PRKG1: variants seen among roughly 807,000 people sequenced by gnomAD.
The protein encoded by PRKG1 is cGMP-dependent protein kinase 1.
Under a neutral mutation model 88.1 loss-of-function variants are expected in PRKG1, and 35 were observed. The observed-to-expected ratio is 0.40, with a 90% CI of 0.30 to 0.53. PRKG1 has a LOEUF of 0.53. Ranked by LOEUF, PRKG1 falls within the 20% of genes least tolerant of loss-of-function variation. PRKG1 has a pLI of 0.59. For synonymous variants in PRKG1, 303 were observed against 292.5 expected (o/e 1.04, Z -0.37); for missense variants, 540 against 839.8 (o/e 0.64, Z 4.41).
chr10:52,166,447 T>TG, intron 9 of PRKG1, among the ~76,000 whole-genome samples: 1 of 145,246 alleles, frequency 6.9e-6, no homozygotes, highest in African/African-American at 2.5e-5. Context: ...TTTTTTTTTT[T>TG]TTTTGAGACG....
chr10:52,192,726 T>C (rs1382485887), intron 9 of PRKG1, among the ~76,000 whole-genome samples: 2 of 152,062 alleles, frequency 1.3e-5, no homozygotes, highest in Admixed American at 6.5e-5. Context: ...TTCTAAGATA[T>C]TAAGTATTTA....
intron 3 of PRKG1, among the ~76,000 whole-genome samples, chr10:51,672,156 G>T (rs1840599205): frequency 2.0e-5 from 3 of 151,862 alleles, no homozygotes; most frequent in African/African-American, 7.3e-5. Flanking sequence ...CAATTTAGAA[G>T]CTCTTAGCCT....
chr10:52,172,692 A>G (rs1415670574), intron 9 of PRKG1, among the ~76,000 whole-genome samples: 6 of 152,236 alleles, frequency 3.9e-5, no homozygotes, highest in Non-Finnish European at 5.9e-5. Context: ...AGCATGCAGC[A>G]TAATTCTAAA....
chr10:52,219,870 C>T (rs538727798), intron 9 of PRKG1, among the ~76,000 whole-genome samples: 71 of 152,114 alleles, frequency 4.7e-4, no homozygotes, highest in Non-Finnish European at 7.8e-4. Context: ...AAAAAATAAA[C>T]ATACATTTCT....
intron 7 of PRKG1, among the ~76,000 whole-genome samples, chr10:52,125,182 C>T (rs1847904220): frequency 6.6e-6 from 1 of 152,052 alleles, no homozygotes; most frequent in Non-Finnish European, 1.5e-5. Context: ...ATATAATTGG[C>T]AGCACAGTAG....
At chr10:51,608,391 G>C (rs899623122) in intron 3 of PRKG1, among the ~76,000 whole-genome samples, 1 of 152,104 alleles carries the variant, frequency 6.6e-6, no homozygotes. Context: ...ATTGTTCAAA[G>C]AGTGCAATTT....
intron 3 of PRKG1, among the ~76,000 whole-genome samples, chr10:51,650,154 G>A (rs1840004975): frequency 6.6e-6 from 1 of 152,076 alleles, no homozygotes; most frequent in Non-Finnish European, 1.5e-5. Flanking sequence ...CATAGCCCTG[G>A]TATTCACGAG....
At chr10:52,003,857 T>C (rs913467532) in intron 5 of PRKG1, among the ~76,000 whole-genome samples, 6 of 152,200 alleles carry the variant, frequency 3.9e-5, no homozygotes, top group African/African-American at 1.4e-4. Context: ...AGCTTAGTGC[T>C]CATGAGTAGG....
intron 7 of PRKG1, among the ~76,000 whole-genome samples, chr10:52,064,494 G>C (rs903156834): frequency 6.6e-6 from 1 of 152,208 alleles, no homozygotes; most frequent in Non-Finnish European, 1.5e-5. Flanking sequence ...CAGGGATCTT[G>C]TCAGCTCCTA....
chr10:51,232,650 A>G (rs1838875665), intron 2 of PRKG1, among the ~76,000 whole-genome samples: 1 of 152,162 alleles, frequency 6.6e-6, no homozygotes, highest in African/African-American at 2.4e-5. Context: ...CCTCAGTGCA[A>G]TGGAAAAAAA....
chr10:51,422,566 C>T (rs1349769588), intron 2 of PRKG1, among the ~76,000 whole-genome samples: 2 of 152,156 alleles, frequency 1.3e-5, no homozygotes, highest in African/African-American at 4.8e-5. Flanking sequence ...CATACTTTGT[C>T]AGCTCCAACT....
intron 5 of PRKG1, among the ~76,000 whole-genome samples, chr10:51,958,288 G>A (rs1843360701): frequency 6.6e-6 from 1 of 151,898 alleles, no homozygotes; most frequent in Non-Finnish European, 1.5e-5. Flanking sequence ...AACAAGTCAA[G>A]AAAAAAGACC....
chr10:51,511,223 G>A (rs936787335), intron 3 of PRKG1, among the ~76,000 whole-genome samples: 27 of 151,972 alleles, frequency 1.8e-4, no homozygotes, highest in Non-Finnish European at 2.5e-4. Context: ...GGCTTGTTGC[G>A]GGGGATCAGG....
chr10:52,056,824 A>G (rs189710001), intron 6 of PRKG1, among the ~76,000 whole-genome samples: 7 of 152,184 alleles, frequency 4.6e-5, no homozygotes, highest in Admixed American at 3.3e-4. Context: ...TAACATATTA[A>G]AATCATTAAG....
chr10:52,201,217 A>G (rs1480218488), intron 9 of PRKG1, among the ~76,000 whole-genome samples: 1 of 152,076 alleles, frequency 6.6e-6, no homozygotes, highest in Admixed American at 6.6e-5. Flanking sequence ...ATCCATCTTG[A>G]GTTGATTTTT....
At chr10:51,509,082 T>A (rs374287009) in intron 3 of PRKG1, among the ~76,000 whole-genome samples, 3 of 152,308 alleles carry the variant, frequency 2.0e-5, no homozygotes, top group East Asian at 1.9e-4. Context: ...TAATATTCAT[T>A]AGTAATGTTA....
intron 2 of PRKG1, among the ~76,000 whole-genome samples, chr10:51,234,675 GA>G (rs200762950): frequency 6.1e-4 from 91 of 150,212 alleles, no homozygotes; most frequent in African/African-American, 1.5e-3. Context: ...AGGAAATCTA[GA>G]AAAAAAAATC....
At chr10:51,388,111 C>T (rs1837298462) in intron 2 of PRKG1, among the ~76,000 whole-genome samples, 1 of 151,980 alleles carries the variant, frequency 6.6e-6, no homozygotes, top group Non-Finnish European at 1.5e-5. Context: ...TTTATCAAAC[C>T]CTAAAATACA....
intron 2 of PRKG1, among the ~76,000 whole-genome samples, chr10:51,212,225 C>T (rs1193553453): frequency 6.6e-6 from 1 of 151,880 alleles, no homozygotes; most frequent in South Asian, 2.1e-4. Context: ...AAAGGATTCC[C>T]TATTTAATAA....
Sources: gnomAD v4.1 joint callset for allele counts (sites outside exome capture counted in the v4.1 genomes callset) on GRCh38, gnomAD v4.1.1 for gene constraint, MANE v1.5 for transcripts, NCBI Gene and HGNC (gene_info 2026-07-23, HGNC 2026-07-21) for gene names.